ENOX2: variants seen among roughly 807,000 people sequenced by gnomAD.
The protein encoded by ENOX2 is ecto-NOX disulfide-thiol exchanger 2.
ENOX2 carries 36 observed loss-of-function variants against 45.0 expected under a neutral mutation model. That is an observed-to-expected ratio of 0.80 (90% CI 0.61 to 1.06). The LOEUF is 1.06. ENOX2 is among the 50% of genes least tolerant of loss of function. The probability of loss-of-function intolerance (pLI) is 0.00; values close to 1 mark genes in which losing one functional copy is unlikely to be tolerated. For missense variants in ENOX2, 423 were observed against 462.5 expected, an observed-to-expected ratio of 0.91 and a Z score of 0.78; for synonymous variants, 174 against 152.3, an observed-to-expected ratio of 1.14 and a Z score of -1.05.
intron 12 of ENOX2, among the ~76,000 whole-genome samples, chrX:130,633,254 A>G (rs1179736389): frequency 2.7e-5 from 3 of 111,611 alleles, no homozygotes; most frequent in Non-Finnish European, 5.7e-5. Flanking sequence ...AAAAGCAAAT[A>G]AAAAAAGAGA....
intron 5 of ENOX2, among the ~76,000 whole-genome samples, chrX:130,683,632 G>C (rs1055659025): frequency 9.9e-5 from 11 of 110,857 alleles, no homozygotes; most frequent in African/African-American, 3.3e-4. Context: ...CTCCATAGAA[G>C]GTCTAATCGC....
At chrX:130,728,051 C>A (rs756203851) in intron 3 of ENOX2, among the ~76,000 whole-genome samples, 2 of 111,093 alleles carry the variant, frequency 1.8e-5, no homozygotes, top group Non-Finnish European at 3.8e-5. Context: ...CAGTAGAGGG[C>A]GTTAGGGAGA....
At chrX:130,791,163 T>G (rs1163812461) in intron 2 of ENOX2, among the ~76,000 whole-genome samples, 2 of 111,459 alleles carry the variant, frequency 1.8e-5, no homozygotes, top group Admixed American at 9.5e-5. Context: ...CTGGCTGTCC[T>G]TGAATGTTAG....
chrX:130,632,372 G>GT (rs2035783581), intron 12 of ENOX2, among the ~76,000 whole-genome samples: 1 of 48,831 alleles, frequency 2.0e-5, no homozygotes, highest in South Asian at 2.5e-3. Flanking sequence ...GGCGGGGGGG[G>GT]GGGGTGGTCC....
chrX:130,843,201 A>T (rs944191427), intron 2 of ENOX2, among the ~76,000 whole-genome samples: 2 of 110,789 alleles, frequency 1.8e-5, no homozygotes, highest in Non-Finnish European at 3.8e-5. Flanking sequence ...AATGGCTCAC[A>T]CCCCACCTAG....
In ENOX2 at chrX:130,703,190, A is replaced by C. The variant is rs1171715658; in HGVS notation, c.27T>G (p.Thr9=). 3 of 1,206,862 alleles carry C rather than the reference A, an allele frequency of 2.5e-6. No homozygotes were observed. Among genetic ancestry groups the C allele is most frequent in the Non-Finnish European group, 3.4e-6 (3 of 891,244 alleles). ...GATTATTCATTGCTGTGGCCCATGCAGTTGGATCAGACATAGGTAGTGTCA... is the reference window on the plus strand; with the variant it reads ...GATTATTCATTGCTGTGGCCCATGCCGTTGGATCAGACATAGGTAGTGTCA... MTLPMSDP[T]AWATAMNNLG... Residue 9 remains threonine, a synonymous_variant, in exon 4 of 15, where the codon ACT becomes ACG. Coordinates refer to ENST00000394363, the MANE Select transcript of ENOX2 (RefSeq NM_006375.4).
At chrX:130,729,497 T>G (rs1469821881) in intron 3 of ENOX2, among the ~76,000 whole-genome samples, 2 of 111,993 alleles carry the variant, frequency 1.8e-5, no homozygotes, top group Non-Finnish European at 3.8e-5. Flanking sequence ...CTACTACCTT[T>G]CTACCGTGAC....
intron 2 of ENOX2, among the ~76,000 whole-genome samples, chrX:130,824,029 G>A (rs1366164149): frequency 8.9e-6 from 1 of 112,078 alleles, no homozygotes; most frequent in Non-Finnish European, 1.9e-5. Context: ...AGTGGCCTTA[G>A]AGACTATAAA....
At chrX:130,873,739 T>C (rs908156732) in intron 2 of ENOX2, among the ~76,000 whole-genome samples, 1 of 111,524 alleles carries the variant, frequency 9.0e-6, no homozygotes, top group South Asian at 3.8e-4. Context: ...TTCATGTCTT[T>C]TGCAGGGACA....
intron 3 of ENOX2, among the ~76,000 whole-genome samples, chrX:130,760,020 C>T (rs1418229130): frequency 8.9e-6 from 1 of 111,746 alleles, no homozygotes; most frequent in Non-Finnish European, 1.9e-5. Context: ...CTCCTGTACA[C>T]ATTTCAGTAA....
At chrX:130,870,270 C>T (rs1193675385) in intron 2 of ENOX2, among the ~76,000 whole-genome samples, 2 of 111,833 alleles carry the variant, frequency 1.8e-5, no homozygotes, top group African/African-American at 6.5e-5. Flanking sequence ...TGACAAGCCA[C>T]TCTGAAATGA....
chrX:130,669,978 A>T lies in ENOX2; in HGVS notation c.681T>A (p.Ala227=), dbSNP rs756826456. 3.3e-6 allele frequency: 4 copies of T among 1,203,209 alleles called. No homozygotes were observed. The Admixed American group carries it at 8.7e-5, about 26-fold the overall frequency. The change falls in exon 7 of 15, where the codon GCT becomes GCA. Residue 227 remains alanine, a synonymous_variant. Transcript: ENST00000394363. Reference sequence around the variant, plus strand: ...TGCCTTTGATACCTTTTAATTTTTCAGCAACAATGCTGCATTCATGATCTG... The same window carrying T: ...TGCCTTTGATACCTTTTAATTTTTCTGCAACAATGCTGCATTCATGATCTG... ...HYSDHECSIV[A]EKLKDDSKFS...
intron 3 of ENOX2, among the ~76,000 whole-genome samples, chrX:130,712,594 C>G (rs1166898412): frequency 9.0e-6 from 1 of 111,066 alleles, no homozygotes; most frequent in African/African-American, 3.3e-5. Flanking sequence ...TGAGCATGCT[C>G]ACCTCCCAAG....
intron 3 of ENOX2, among the ~76,000 whole-genome samples, chrX:130,773,400 C>T (rs2039785553): frequency 8.9e-6 from 1 of 111,842 alleles, no homozygotes. Flanking sequence ...GAAAAATTTC[C>T]TATGTTTTCC....
At chrX:130,711,017 C>T (rs1184159451) in intron 3 of ENOX2, among the ~76,000 whole-genome samples, 1 of 111,815 alleles carries the variant, frequency 8.9e-6, no homozygotes, top group African/African-American at 3.3e-5. Context: ...TGGCATATCA[C>T]ATAGGACCTC....
rs774830822 is a variant in ENOX2, at chrX:130,777,326, C to T, written c.-39+6221G>A. 3.7e-5 allele frequency among the ~76,000 whole-genome samples: 4 copies of T among 109,354 alleles called. No homozygotes were observed. In the South Asian group the frequency reaches 1.3e-3, roughly 34 times the overall value. The allele number at this position is 109,354 out of a possible 115,157, so 95.0% of individuals were successfully genotyped here. ...CCAGCCTGGGCAACGTGGAGAAACC[C>T]TGTCTCTATTAAAAATACCAAAATT... is the stretch of plus-strand genomic sequence containing the variant. On this transcript the variant is annotated intron_variant, in intron 3 of 14. Transcript: ENST00000394363.
chrX:130,667,779 C>A (rs774422376), intron 7 of ENOX2, 37 bp from the exon 8 acceptor site: 3 of 1,076,817 alleles, frequency 2.8e-6, no homozygotes, highest in East Asian at 6.1e-5. Context: ...ACAAAGGTAA[C>A]CAAATTTTGA....
In ENOX2 at chrX:130,813,045, C is replaced by T. The variant is rs571336261; in HGVS notation, c.-182-29355G>A. 6.2e-5 allele frequency among the ~76,000 whole-genome samples: 7 copies of T among 112,157 alleles called. No individual in the cohort carries two copies. In the South Asian group the frequency reaches 2.6e-3, roughly 42 times the overall value. On this transcript the variant is annotated intron_variant, in intron 2 of 14. Transcript: ENST00000394363. Reference sequence around the variant, plus strand: ...ATGCTCATTGGAGTATTTCAGATTTCAGATTTTTGAATTACGAACGCTTAA... The same window carrying T: ...ATGCTCATTGGAGTATTTCAGATTTTAGATTTTTGAATTACGAACGCTTAA...
chrX:130,625,883 A>G lies in ENOX2; in HGVS notation c.1615-438T>C, dbSNP rs761255755. The stretch of plus-strand genomic sequence containing the variant: ...CAGGAAGGGGGAAATCGCTGTGTTC[A>G]TACTTCTCTGCATCCCCATCTCTCT... On this transcript the variant is annotated intron_variant, in intron 14 of 14. Coordinates refer to ENST00000394363, the MANE Select transcript of ENOX2 (RefSeq NM_006375.4). Among the ~76,000 whole-genome samples, 23 of 109,961 alleles carry G rather than the reference A, an allele frequency of 2.1e-4. 1 individual carries two copies. The highest frequency in any genetic ancestry group is 7.3e-4 in the African/African-American group (22 of 30,005).
Sources: gnomAD v4.1 joint callset for allele counts (sites outside exome capture counted in the v4.1 genomes callset) on GRCh38, gnomAD v4.1.1 for gene constraint, MANE v1.5 for transcripts, NCBI Gene and HGNC (gene_info 2026-07-23, HGNC 2026-07-21) for gene names.